WDR64: variants seen among roughly 807,000 people sequenced by gnomAD.
WDR64 encodes WD repeat-containing protein 64.
In WDR64, 112 loss-of-function variants were observed where a neutral mutation model predicts 139.3. The observed-to-expected ratio is 0.80, with a 90% CI of 0.69 to 0.94. WDR64 has a LOEUF of 0.94. WDR64 is among the 40% of genes least tolerant of loss of function. WDR64 has a pLI of 0.00. For missense variants in WDR64, 1,206 were observed against 1,293.1 expected (o/e 0.93, Z 1.03); for synonymous variants, 444 against 437.7 (o/e 1.01, Z -0.18).
rs11419039 is a variant in WDR64 at position 241,794,504 on chromosome 1, G to GTTTTTTT, written c.2998-687_2998-681dup. 2.9e-4 allele frequency among the ~76,000 whole-genome samples: 24 copies of GTTTTTTT among 81,454 alleles called. 1 individual carries two copies. Among genetic ancestry groups the GTTTTTTT allele is most frequent in the East Asian group, 7.8e-4 (2 of 2,580 alleles). The allele number at this position is 81,454 out of a possible 152,430, so 53.4% of individuals were successfully genotyped here. A position where few individuals can be genotyped will look rare whatever the true frequency, so the allele number is the denominator to read the frequency against. On this transcript the variant is annotated intron_variant, in intron 25 of 27. Transcript: ENST00000437684. ...TGCCCCACATATTTTAAGCTTTACT[G>GTTTTTTT]TTTTTTTTTTTTTTTTTTTTTTGAG... is the stretch of plus-strand genomic sequence containing the variant.
intron 23 of WDR64, among the ~76,000 whole-genome samples, chr1:241,784,242 G>T (rs960094102): frequency 2.0e-5 from 3 of 152,158 alleles, no homozygotes; most frequent in African/African-American, 7.2e-5. Flanking sequence ...TTACGTGGGG[G>T]AGTAATATGA....
intron 21 of WDR64, 70 bp from the exon 22 acceptor site, chr1:241,779,934 A>G: frequency 8.5e-7 from 1 of 1,174,788 alleles, no homozygotes; most frequent in Non-Finnish European, 1.2e-6. Flanking sequence ...AATCAAAATA[A>G]CTTTTGGATA....
rs191068005 is a variant in WDR64 at position 241,748,705 on chromosome 1, C to T, written c.1595-842C>T. Among the ~76,000 whole-genome samples the T allele has an allele frequency of 1.4e-4, 22 of 152,012 alleles. No homozygotes were observed. In the East Asian group the frequency reaches 3.9e-3, roughly 27 times the overall value. On this transcript the variant is annotated intron_variant, in intron 13 of 27. Transcript: ENST00000437684. ...CTGTAATCCCAGCACTTTGGGAGGC[C>T]GAGGAGGGCAGATCATGAGGTCAGG...
chr1:241,757,531 T>A, intron 15 of WDR64, 72 bp downstream of exon 15: 1 of 1,392,242 alleles, frequency 7.2e-7, no homozygotes, highest in Non-Finnish European at 9.7e-7. Context: ...TATATAAAGG[T>A]ACAGAAAATA....
chr1:241,654,350 A>G (rs913808876), intron 1 of WDR64, among the ~76,000 whole-genome samples: 9 of 152,046 alleles, frequency 5.9e-5, no homozygotes, highest in Non-Finnish European at 1.3e-4. Context: ...TTAACTTTCA[A>G]TCTACTCAGG....
At chr1:241,797,878 G>A (rs1176505422) in intron 27 of WDR64, among the ~76,000 whole-genome samples, 1 of 151,626 alleles carries the variant, frequency 6.6e-6, no homozygotes, top group East Asian at 1.9e-4. Flanking sequence ...TATAATTCAT[G>A]CATTTTATGT....
At chr1:241,665,925 A>G (rs1666009253) in intron 2 of WDR64, among the ~76,000 whole-genome samples, 2 of 152,184 alleles carry the variant, frequency 1.3e-5, no homozygotes. Flanking sequence ...CTAAAATTAT[A>G]TTTGCTAACT....
At chr1:241,779,249 T>C (rs867320751) in intron 21 of WDR64, among the ~76,000 whole-genome samples, 1 of 152,188 alleles carries the variant, frequency 6.6e-6, no homozygotes, top group South Asian at 2.1e-4. Context: ...ATGTTTGTGT[T>C]CATTTTTTTT....
chr1:241,788,542 G>C (rs896679061), intron 24 of WDR64, among the ~76,000 whole-genome samples: 2 of 152,156 alleles, frequency 1.3e-5, no homozygotes, highest in African/African-American at 4.8e-5. Context: ...CAGCACTAAG[G>C]GAGCCACGGA....
intron 8 of WDR64, among the ~76,000 whole-genome samples, chr1:241,690,101 A>T (rs1667157300): frequency 3.3e-5 from 5 of 152,192 alleles, no homozygotes. Context: ...GTAATATCAG[A>T]AAGCACCAAG....
rs1388286485 is a variant in WDR64, at chr1:241,675,249, T to TTCCTCCC, written c.483+506_483+507insCCCTCCT. 2.8e-3 allele frequency among the ~76,000 whole-genome samples: 265 copies of TTCCTCCC among 95,012 alleles called. 1 individual carries two copies. Among genetic ancestry groups the TTCCTCCC allele is most frequent in the East Asian group, 6.7e-3 (18 of 2,690 alleles). The allele number at this position is 95,012 out of a possible 152,430, so 62.3% of individuals were successfully genotyped here. ...TCCTTCCTCCCTCCTTCCTCCCTCC[T>TTCCTCCC]TCCTTCCTCCCTCCCTTCCTCCCTT... On this transcript the variant is annotated intron_variant, in intron 4 of 27. Transcript: ENST00000437684.
rs1659545823 is a variant in WDR64, at chr1:241,802,212, A to G, written c.*997A>G. The G allele has an allele frequency of 2.5e-6, 1 of 394,094 alleles. No individual in the cohort carries two copies. The highest frequency in any genetic ancestry group is 1.3e-4 in the South Asian group (1 of 7,470). The allele number at this position is 394,094 out of a possible 1,614,324, so 24.4% of individuals were successfully genotyped here. ...GGGTAGGACAATGGAATCCTCAGCA[A>G]TTAAAGGGAATAAAATGCTAATGCA... On this transcript the variant is annotated 3_prime_UTR_variant, in exon 28 of 28. Coordinates refer to ENST00000437684, the MANE Select transcript of WDR64 (RefSeq NM_001367482.1).
intron 10 of WDR64, among the ~76,000 whole-genome samples, chr1:241,726,200 T>A (rs1668832537): frequency 6.6e-6 from 1 of 152,096 alleles, no homozygotes; most frequent in Non-Finnish European, 1.5e-5. Flanking sequence ...ATCGTTTTTA[T>A]ATTGATTATA....
chr1:241,658,658 A>G (rs1380877396), intron 1 of WDR64, among the ~76,000 whole-genome samples: 1 of 148,390 alleles, frequency 6.7e-6, no homozygotes, highest in East Asian at 2.0e-4. Flanking sequence ...AAAAAAAAAA[A>G]GAATTGCTGT....
intron 8 of WDR64, among the ~76,000 whole-genome samples, chr1:241,696,574 G>A (rs568028256): frequency 6.6e-6 from 1 of 152,144 alleles, no homozygotes; most frequent in Non-Finnish European, 1.5e-5. Flanking sequence ...AGAGGGGTGA[G>A]CAATTCCTGG....
intron 15 of WDR64, among the ~76,000 whole-genome samples, chr1:241,763,790 CTTT>C (rs1658026971): frequency 6.6e-6 from 1 of 152,114 alleles, no homozygotes; most frequent in Non-Finnish European, 1.5e-5. Context: ...TTTAGAAGCA[CTTT>C]TTATTGAATA....
At chr1:241,759,432 C>G (rs2148280888) in intron 15 of WDR64, among the ~76,000 whole-genome samples, 1 of 152,246 alleles carries the variant, frequency 6.6e-6, no homozygotes, top group Admixed American at 6.5e-5. Flanking sequence ...AATTACAAAA[C>G]AAGTTCTATT....
At chr1:241,696,676 T>A (rs1343034416) in intron 8 of WDR64, among the ~76,000 whole-genome samples, 1 of 152,030 alleles carries the variant, frequency 6.6e-6, no homozygotes, top group Non-Finnish European at 1.5e-5. Context: ...GGTGGGAGTG[T>A]CTCTTAGCCT....
intron 10 of WDR64, among the ~76,000 whole-genome samples, chr1:241,724,918 A>C (rs1411398408): frequency 6.6e-6 from 1 of 152,124 alleles, no homozygotes; most frequent in Non-Finnish European, 1.5e-5. Context: ...AATGACATCT[A>C]AATCACTTAC....
Sources: allele counts gnomAD v4.1 joint callset (sites outside exome capture counted in the v4.1 genomes callset), GRCh38; gene constraint gnomAD v4.1.1; transcripts MANE v1.5; gene names NCBI Gene and HGNC (gene_info 2026-07-23, HGNC 2026-07-21).